TMEM51: variants seen among roughly 807,000 people sequenced by gnomAD.
TMEM51 encodes transmembrane protein 51.
Under a neutral mutation model 13.6 loss-of-function variants are expected in TMEM51, and 8 were observed. The observed-to-expected ratio is 0.59, with a 90% CI of 0.35 to 1.07. TMEM51 has a LOEUF of 1.07. TMEM51 is among the 50% of genes least tolerant of loss of function. The probability of loss-of-function intolerance (pLI) is 0.02; values close to 1 mark genes in which losing one functional copy is unlikely to be tolerated. For synonymous variants in TMEM51, 147 were observed against 144.4 expected, an observed-to-expected ratio of 1.02 and a Z score of -0.13; for missense variants, 279 against 330.7, an observed-to-expected ratio of 0.84 and a Z score of 1.21.
chr1:15,181,244 A>T (rs916476375), intron 1 of TMEM51, among the ~76,000 whole-genome samples: 3 of 152,150 alleles, frequency 2.0e-5, no homozygotes, highest in African/African-American at 7.2e-5. Context: ...CACCCTGAAC[A>T]CTGTAAACCT....
chr1:15,179,065 G>A (rs1643534493), intron 1 of TMEM51, among the ~76,000 whole-genome samples: 1 of 152,160 alleles, frequency 6.6e-6, no homozygotes, highest in Non-Finnish European at 1.5e-5. Context: ...GTGACTCAGA[G>A]CAGATCTTGT....
chr1:15,161,861 G>A lies in TMEM51; in HGVS notation c.-267+7907G>A, dbSNP rs560169736. Among the ~76,000 whole-genome samples, 29 of 151,044 alleles carry A rather than the reference G, an allele frequency of 1.9e-4. No individual in the cohort carries two copies. Among genetic ancestry groups the A allele is most frequent in the Admixed American group, 1.3e-3 (20 of 15,202 alleles). ...GAAGAATGGCTTGAACCCGGGAGGC[G>A]GAGGTTGCAGTGAGCCGAGATGGAG... On this transcript the variant is annotated intron_variant, in intron 1 of 3. Transcript: ENST00000376008. This position sits in a 1 kb window ranked among gnomAD's most constrained non-coding sequence, Gnocchi z 4.0.
At chr1:15,156,887 T>G (rs900122821) in intron 1 of TMEM51, among the ~76,000 whole-genome samples, 2 of 152,168 alleles carry the variant, frequency 1.3e-5, no homozygotes, top group African/African-American at 4.8e-5. Flanking sequence ...AAGACTGTTT[T>G]GGGCCCCAGG....
intron 1 of TMEM51, among the ~76,000 whole-genome samples, chr1:15,162,225 C>T (rs1296742215): frequency 6.6e-6 from 1 of 152,090 alleles, no homozygotes; most frequent in African/African-American, 2.4e-5. Flanking sequence ...TGCAGTGGCA[C>T]AATCTTGGCT....
Position 15,215,033 on chromosome 1 carries a change from C to T in TMEM51, c.-55C>T. 6.6e-7 allele frequency: 1 copy of T among 1,517,884 alleles called. No individual in the cohort carries two copies. The highest frequency in any genetic ancestry group is 8.9e-7 in the Non-Finnish European group (1 of 1,122,576). The allele number at this position is 1,517,884 out of a possible 1,614,324, so 94.0% of individuals were successfully genotyped here. The stretch of plus-strand genomic sequence containing the variant: ...AAGGGGTTTTTGTTGTGACTGCTGC[C>T]TTGTATACATTTATTTTCTTTCTTG... On this transcript the variant is annotated 5_prime_UTR_variant, in exon 3 of 4. Coordinates refer to ENST00000376008, the MANE Select transcript of TMEM51 (RefSeq NM_001136218.2).
chr1:15,188,557 C>T (rs1303087143), intron 1 of TMEM51, among the ~76,000 whole-genome samples: 1 of 152,262 alleles, frequency 6.6e-6, no homozygotes, highest in Non-Finnish European at 1.5e-5. Flanking sequence ...TTGGGAATCA[C>T]TTGTGCAACA....
At chr1:15,218,127 T>C (rs2312335) in intron 3 of TMEM51, among the ~76,000 whole-genome samples, 127,082 of 152,194 alleles carry the variant, frequency 0.83, 53,580 homozygotes, top group East Asian at 0.97. Context: ...GCGTTAATTC[T>C]GACAAATGTG....
chr1:15,211,931 C>T (rs1394403173), intron 2 of TMEM51, among the ~76,000 whole-genome samples: 2 of 147,782 alleles, frequency 1.4e-5, no homozygotes, highest in Non-Finnish European at 3.0e-5. Context: ...ATATATTCAT[C>T]TGTGTATGGA....
At chr1:15,202,167 C>T (rs1323751392) in intron 1 of TMEM51, among the ~76,000 whole-genome samples, 1 of 152,160 alleles carries the variant, frequency 6.6e-6, no homozygotes, top group African/African-American at 2.4e-5. Context: ...AAAATGTAAA[C>T]TTGGTAGAGG....
intron 1 of TMEM51, among the ~76,000 whole-genome samples, chr1:15,205,596 G>C (rs929215315): frequency 6.6e-6 from 1 of 152,222 alleles, no homozygotes; most frequent in African/African-American, 2.4e-5. Flanking sequence ...GTGTTTAAAA[G>C]TGTGGGTTTT....
chr1:15,211,460 A>G (rs1644336980), intron 2 of TMEM51, among the ~76,000 whole-genome samples: 2 of 152,200 alleles, frequency 1.3e-5, no homozygotes, highest in African/African-American at 4.8e-5. Flanking sequence ...TTGTCTGTTT[A>G]AGAACTTACT....
rs117082060 is a variant in TMEM51, at chr1:15,162,153, C to A, written c.-267+8199C>A. ...AACACCCACTAGGCCCCACCTCCAA[C>A]ATTGGGGATCAAATTTCTCTTCTTT... On this transcript the variant is annotated intron_variant, in intron 1 of 3. Transcript: ENST00000376008. 1.9e-3 allele frequency among the ~76,000 whole-genome samples: 287 copies of A among 152,080 alleles called. 8 individuals are homozygous for A. In the East Asian group the frequency reaches 0.045, roughly 24 times the overall value.
intron 1 of TMEM51, among the ~76,000 whole-genome samples, chr1:15,171,802 C>A (rs754051385): frequency 3.9e-5 from 6 of 152,160 alleles, no homozygotes; most frequent in African/African-American, 1.2e-4. Flanking sequence ...CAGTCCTTGC[C>A]GCGGAACCTC....
In TMEM51 at chr1:15,157,594, A is replaced by G. The variant is rs543610082; in HGVS notation, c.-267+3640A>G. Among the ~76,000 whole-genome samples, 19 of 152,200 alleles carry G rather than the reference A, an allele frequency of 1.2e-4. No individual in the cohort carries two copies. The East Asian group carries it at 3.3e-3, about 26-fold the overall frequency. On this transcript the variant is annotated intron_variant, in intron 1 of 3. Transcript: ENST00000376008. ...CTTTCTGTCTGCACTTCACACTACC[A>G]GGTGTTTTTGTGGCATCCGTGGTGA...
chr1:15,219,971 A>G lies in TMEM51; in HGVS notation c.*228A>G, dbSNP rs533337087. ...AAGAGATGCTGCCTTGGAGCTGGTGAATCTGTGGACCACATTCAAGGGTGT... is the reference window on the plus strand; with the variant it reads ...AAGAGATGCTGCCTTGGAGCTGGTGGATCTGTGGACCACATTCAAGGGTGT... On this transcript the variant is annotated 3_prime_UTR_variant, in exon 4 of 4. Transcript: ENST00000376008. 1.1e-5 allele frequency: 6 copies of G among 570,024 alleles called. No homozygotes were observed. In the African/African-American group the frequency reaches 1.1e-4, roughly 11 times the overall value. The allele number at this position is 570,024 out of a possible 1,614,324, so 35.3% of individuals were successfully genotyped here.
chr1:15,206,482 C>T (rs538222497), intron 1 of TMEM51, among the ~76,000 whole-genome samples: 7 of 152,210 alleles, frequency 4.6e-5, no homozygotes, highest in East Asian at 1.9e-4. Context: ...TGTGGGAACC[C>T]GCATAGTGCA....
At chr1:15,187,391 A>G (rs1348581335) in intron 1 of TMEM51, among the ~76,000 whole-genome samples, 3 of 152,096 alleles carry the variant, frequency 2.0e-5, no homozygotes, top group Non-Finnish European at 4.4e-5. Context: ...GGCCCCTAGC[A>G]TGTGGTCTCA....
At chr1:15,168,926 T>C in intron 1 of TMEM51, 1 of 995,996 alleles carries the variant, frequency 1.0e-6, no homozygotes, top group Non-Finnish European at 1.3e-6. Context: ...TTCCCATCAC[T>C]CTTAAGTCAT....
At chr1:15,215,523 T>C in intron 3 of TMEM51, 92 bp downstream of exon 3, 1 of 1,200,702 alleles carries the variant, frequency 8.3e-7, no homozygotes, top group Non-Finnish European at 1.1e-6. Flanking sequence ...GTGAAAAGAC[T>C]GTCATCTACA....
Sources: allele counts gnomAD v4.1 joint callset (sites outside exome capture counted in the v4.1 genomes callset), GRCh38; gene constraint gnomAD v4.1.1; non-coding constraint Gnocchi (gnomAD v3.1); transcripts MANE v1.5; gene names NCBI Gene and HGNC (gene_info 2026-07-23, HGNC 2026-07-21).